The following SLC35D4 variants were observed in gnomAD, a reference collection of about 807,000 sequenced individuals.
The protein encoded by SLC35D4 is UDP-N-acetylglucosamine transporter SLC35D4.
the SLC35D4 span, among the ~76,000 whole-genome samples, chr18:23,330,118 G>A: frequency 6.6e-6 from 1 of 152,090 alleles, no homozygotes; most frequent in Non-Finnish European, 1.5e-5. Flanking sequence ...GATGGGTGCA[G>A]CAAACCAACA....
the SLC35D4 span, among the ~76,000 whole-genome samples, chr18:23,355,236 A>G: frequency 6.6e-6 from 1 of 152,200 alleles, no homozygotes; most frequent in Non-Finnish European, 1.5e-5. Flanking sequence ...ATCATGTTGC[A>G]TTATGAGAAA....
the SLC35D4 span, chr18:23,252,842 A>G: frequency 4.0e-4 from 264 of 653,142 alleles, 3 homozygotes; most frequent in South Asian, 4.5e-3. Flanking sequence ...TGTAGCTCCA[A>G]TGCAAGTTTT....
At chr18:23,251,433 A>G in the SLC35D4 span, among the ~76,000 whole-genome samples, 1 of 152,150 alleles carries the variant, frequency 6.6e-6, no homozygotes, top group Admixed American at 6.5e-5. Flanking sequence ...CTTGGGCAAC[A>G]GAGCATGACT....
the SLC35D4 span, among the ~76,000 whole-genome samples, chr18:23,368,079 C>T: frequency 6.6e-6 from 1 of 152,174 alleles, no homozygotes; most frequent in Non-Finnish European, 1.5e-5. Context: ...CTTCATCCTA[C>T]CTTAACAAAT....
chr18:23,356,481 C>A, the SLC35D4 span: 1 of 1,085,238 alleles, frequency 9.2e-7, no homozygotes, highest in East Asian at 2.4e-5. This position sits in a 1 kb window ranked among gnomAD's most constrained non-coding sequence, Gnocchi z 4.1. Context: ...CTGCATCCAC[C>A]ACCACTCTCT....
chr18:23,369,418 T>C, the SLC35D4 span, among the ~76,000 whole-genome samples: 1 of 152,160 alleles, frequency 6.6e-6, no homozygotes, highest in Non-Finnish European at 1.5e-5. Context: ...CTCATTTACA[T>C]TCACCAAAGC....
At chr18:23,246,529 C>A in the SLC35D4 span, among the ~76,000 whole-genome samples, 1 of 151,854 alleles carries the variant, frequency 6.6e-6, no homozygotes, top group Non-Finnish European at 1.5e-5. Context: ...GTAGCTGGGA[C>A]TACAGGCACC....
chr18:23,413,155 C>T, the SLC35D4 span, among the ~76,000 whole-genome samples: 2 of 152,338 alleles, frequency 1.3e-5, no homozygotes, highest in East Asian at 3.9e-4. Flanking sequence ...AGGCGTGAGC[C>T]ACCGTGCCCA....
chr18:23,311,386 C>T, the SLC35D4 span, among the ~76,000 whole-genome samples: 11 of 128,520 alleles, frequency 8.6e-5, no homozygotes, highest in African/African-American at 3.0e-4. Flanking sequence ...AGCCACCGTG[C>T]CTGGCCCTTC....
At chr18:23,361,883 T>A in the SLC35D4 span, among the ~76,000 whole-genome samples, 1 of 152,254 alleles carries the variant, frequency 6.6e-6, no homozygotes, top group Non-Finnish European at 1.5e-5. Context: ...TATTGAGATA[T>A]AATTTGCATA....
the SLC35D4 span, among the ~76,000 whole-genome samples, chr18:23,249,018 T>C: frequency 6.6e-6 from 1 of 152,172 alleles, no homozygotes; most frequent in African/African-American, 2.4e-5. Flanking sequence ...GCGCTGGCAC[T>C]GGCTGCTGGC....
chr18:23,363,016 A>G, the SLC35D4 span, among the ~76,000 whole-genome samples: 2 of 152,068 alleles, frequency 1.3e-5, no homozygotes, highest in Non-Finnish European at 2.9e-5. Context: ...TGAGGTGGGC[A>G]GAACACTTGA....
the SLC35D4 span, among the ~76,000 whole-genome samples, chr18:23,261,669 T>C: frequency 6.6e-6 from 1 of 152,122 alleles, no homozygotes; most frequent in Admixed American, 6.5e-5. Context: ...AGCTTAACCT[T>C]TCCTACCTCA....
the SLC35D4 span, among the ~76,000 whole-genome samples, chr18:23,357,289 G>T: frequency 6.6e-6 from 1 of 152,060 alleles, no homozygotes; most frequent in African/African-American, 2.4e-5. Flanking sequence ...GGTCCAAAGG[G>T]TACATTTGTT....
chr18:23,267,033 G>GC, the SLC35D4 span, among the ~76,000 whole-genome samples: 1 of 152,178 alleles, frequency 6.6e-6, no homozygotes, highest in Non-Finnish European at 1.5e-5. Context: ...GTAGAGCTGT[G>GC]CCCACACTCT....
chr18:23,302,403 A>G, the SLC35D4 span, among the ~76,000 whole-genome samples: 991 of 152,262 alleles, frequency 6.5e-3, 10 homozygotes, highest in African/African-American at 0.023. Flanking sequence ...CATTGTTACA[A>G]TTGAGGGGGT....
the SLC35D4 span, among the ~76,000 whole-genome samples, chr18:23,421,674 C>CTTTTTT: frequency 2.2e-5 from 3 of 136,418 alleles, no homozygotes; most frequent in African/African-American, 2.7e-5. Context: ...TTCTTCTCCT[C>CTTTTTT]TTTTTTTTTT....
At chr18:23,434,987 A>T in the SLC35D4 span, among the ~76,000 whole-genome samples, 1 of 151,566 alleles carries the variant, frequency 6.6e-6, no homozygotes, top group African/African-American at 2.4e-5. Context: ...ACGAAACTCC[A>T]TCTCTACTAA....
chr18:23,327,802 T>A, the SLC35D4 span, among the ~76,000 whole-genome samples: 6 of 152,184 alleles, frequency 3.9e-5, no homozygotes, highest in African/African-American at 1.4e-4. Context: ...GCAAAAATCC[T>A]CAATAAAATA....
Sources: allele counts gnomAD v4.1 joint callset (sites outside exome capture counted in the v4.1 genomes callset), GRCh38; gene constraint gnomAD v4.1.1; non-coding constraint Gnocchi (gnomAD v3.1); transcripts MANE v1.5; gene names NCBI Gene and HGNC (gene_info 2026-07-23, HGNC 2026-07-21).